Variants in ATRN observed in about 807,000 individuals in gnomAD.
ATRN encodes attractin, also known as attractin-2.
Under a neutral mutation model 178.7 loss-of-function variants are expected in ATRN, and 54 were observed. The ratio of observed to expected loss-of-function variants is 0.30; its 90% CI spans 0.24 to 0.38. The LOEUF (loss-of-function observed/expected upper bound fraction) is 0.38. Among genes scored for constraint, ATRN ranks in the 10% least tolerant of loss-of-function variants. The pLI is 1.00. For synonymous variants in ATRN, 636 were observed against 663.0 expected, an observed-to-expected ratio of 0.96 and a Z score of 0.63; for missense variants, 1,443 against 1,815.1, an observed-to-expected ratio of 0.79 and a Z score of 3.73.
chr20:3,516,819 T>A (rs557128951), intron 1 of ATRN, among the ~76,000 whole-genome samples: 26 of 152,188 alleles, frequency 1.7e-4, no homozygotes, highest in African/African-American at 4.8e-4. Context: ...CATGAACTCA[T>A]CCTTTTTTAT....
At chr20:3,608,432 C>T (rs866175674) in intron 24 of ATRN, among the ~76,000 whole-genome samples, 20 of 152,124 alleles carry the variant, frequency 1.3e-4, no homozygotes, top group African/African-American at 4.3e-4. Flanking sequence ...CGTGGATATC[C>T]AGTTTTCCCA....
chr20:3,624,461 G>T (rs372195306), intron 24 of ATRN, 50 bp from the exon 25 acceptor site: 1 of 1,417,222 alleles, frequency 7.1e-7, no homozygotes, highest in Non-Finnish European at 1.0e-6. Flanking sequence ...GCGTGAATCC[G>T]TGGTGGTTTC....
At position 3,638,989 on chromosome 20, in the gene ATRN, C is replaced by G; in HGVS notation, c.4050+54C>G. The G allele has an allele frequency of 6.9e-7, 1 of 1,456,830 alleles. No homozygotes were observed. The highest frequency in any genetic ancestry group is 1.4e-5 in the African/African-American group (1 of 70,906). The allele number at this position is 1,456,830 out of a possible 1,614,324, so 90.2% of individuals were successfully genotyped here. ...ACTTGACTTTTTAAAACTTAGGCTCCTAAGTCTGGGAAACCAGAGAGAGCA... is the reference window on the plus strand; with the variant it reads ...ACTTGACTTTTTAAAACTTAGGCTCGTAAGTCTGGGAAACCAGAGAGAGCA... On this transcript the variant is annotated intron_variant, in intron 27 of 28. Transcript: ENST00000262919. This position sits in a 1 kb window ranked among gnomAD's most constrained non-coding sequence, Gnocchi z 4.5.
At chr20:3,473,416 A>G (rs1164307612) in intron 1 of ATRN, among the ~76,000 whole-genome samples, 1 of 152,196 alleles carries the variant, frequency 6.6e-6, no homozygotes, top group East Asian at 1.9e-4. Context: ...ATGGAAGGCC[A>G]GGTGGCAGGA....
intron 24 of ATRN, among the ~76,000 whole-genome samples, chr20:3,606,310 A>C (rs1342833952): frequency 6.6e-6 from 1 of 152,098 alleles, no homozygotes; most frequent in Non-Finnish European, 1.5e-5. Flanking sequence ...GCTTTGAATC[A>C]TCATCTTTCT....
At chr20:3,501,081 A>G (rs1424023405) in intron 1 of ATRN, among the ~76,000 whole-genome samples, 1 of 152,138 alleles carries the variant, frequency 6.6e-6, no homozygotes, top group East Asian at 1.9e-4. Flanking sequence ...AAAATATTGT[A>G]AACTGTTTTT....
chr20:3,646,029 C>T (rs181474180), intron 28 of ATRN, among the ~76,000 whole-genome samples: 9 of 152,266 alleles, frequency 5.9e-5, no homozygotes, highest in East Asian at 5.8e-4. Flanking sequence ...TGGGTTGCTG[C>T]GCGCCAGATA....
intron 19 of ATRN, among the ~76,000 whole-genome samples, chr20:3,591,872 A>G (rs1468321456): frequency 1.3e-5 from 2 of 152,162 alleles, no homozygotes; most frequent in Non-Finnish European, 2.9e-5. Flanking sequence ...GAGCCTGGGA[A>G]TAAAGGCTCC....
intron 27 of ATRN, among the ~76,000 whole-genome samples, chr20:3,643,507 TAA>T (rs545839327): frequency 6.9e-6 from 1 of 144,156 alleles, no homozygotes; most frequent in Non-Finnish European, 1.5e-5. Flanking sequence ...TTCTATTCTT[TAA>T]AAAAAAAAAG....
chr20:3,549,093 T>A (rs1237080803), intron 5 of ATRN, 77 bp from the exon 6 acceptor site: 2 of 1,187,440 alleles, frequency 1.7e-6, no homozygotes, highest in African/African-American at 3.2e-5. Flanking sequence ...ATTTGTTACA[T>A]TTAGATAATT....
At chr20:3,486,478 A>C (rs1372725369) in intron 1 of ATRN, among the ~76,000 whole-genome samples, 1 of 151,068 alleles carries the variant, frequency 6.6e-6, no homozygotes, top group Non-Finnish European at 1.5e-5. Flanking sequence ...TGTGATCTTG[A>C]CTCACTGCAA....
chr20:3,482,863 A>G (rs2084640704), intron 1 of ATRN, among the ~76,000 whole-genome samples: 1 of 152,228 alleles, frequency 6.6e-6, no homozygotes, highest in East Asian at 1.9e-4. Flanking sequence ...CTCTGAACTA[A>G]CTATAACTTC....
At chr20:3,473,766 C>T (rs2084468890) in intron 1 of ATRN, among the ~76,000 whole-genome samples, 1 of 152,110 alleles carries the variant, frequency 6.6e-6, no homozygotes. Flanking sequence ...ATAGCAAGAT[C>T]AATCTGTAAT....
intron 11 of ATRN, among the ~76,000 whole-genome samples, chr20:3,566,569 T>TGTAAC (rs1418361583): frequency 6.6e-6 from 1 of 152,118 alleles, no homozygotes; most frequent in Non-Finnish European, 1.5e-5. Flanking sequence ...AAATTTCTGT[T>TGTAAC]GTAACGATGG....
chr20:3,639,338 T>C (rs6107326), intron 27 of ATRN, among the ~76,000 whole-genome samples: 25,972 of 151,966 alleles, frequency 0.17, 4,590 homozygotes, highest in African/African-American at 0.46. Context: ...CACTGCAATC[T>C]ACCTCCCGGG....
At chr20:3,560,634 A>G (rs772278784) in intron 7 of ATRN, 28 bp from the exon 8 acceptor site, 3 of 1,537,390 alleles carry the variant, frequency 2.0e-6, no homozygotes, top group African/African-American at 1.4e-5. Context: ...CAATGTTTTT[A>G]AAAATTTTGT....
intron 1 of ATRN, among the ~76,000 whole-genome samples, chr20:3,533,119 A>G (rs2085477626): frequency 6.6e-6 from 1 of 152,200 alleles, no homozygotes; most frequent in South Asian, 2.1e-4. Context: ...ACCTGTAGCA[A>G]GGCAGCCCCT....
At chr20:3,597,072 A>ATATATATATATATATATATAAG (rs1663799107) in intron 21 of ATRN, among the ~76,000 whole-genome samples, 1 of 20,780 alleles carries the variant, frequency 4.8e-5, no homozygotes, top group Non-Finnish European at 1.2e-4. Flanking sequence ...ATATATATAT[A>ATATATATATATATATATATAAG]TAAAACTTCT....
chr20:3,528,545 A>G (rs952373077), intron 1 of ATRN, among the ~76,000 whole-genome samples: 21 of 152,134 alleles, frequency 1.4e-4, no homozygotes, highest in African/African-American at 4.8e-4. Context: ...ATCATTGAGT[A>G]CACATGGACA....
Sources: gnomAD v4.1 joint callset for allele counts (sites outside exome capture counted in the v4.1 genomes callset) on GRCh38, gnomAD v4.1.1 for gene constraint, Gnocchi (gnomAD v3.1) non-coding constraint, MANE v1.5 for transcripts, NCBI Gene and HGNC (gene_info 2026-07-23, HGNC 2026-07-21) for gene names.